BBS9: variants seen among roughly 807,000 people sequenced by gnomAD.
BBS9 encodes protein PTHB1.
BBS9 carries 89 observed loss-of-function variants against 117.7 expected under a neutral mutation model. The observed-to-expected ratio is 0.76, with a 90% CI of 0.64 to 0.90. The LOEUF (loss-of-function observed/expected upper bound fraction) is 0.90, where lower values mean the gene tolerates loss of function less well. Ranked by LOEUF, BBS9 falls within the 40% of genes least tolerant of loss-of-function variation. BBS9 has a pLI of 0.00. For synonymous variants in BBS9, 379 were observed against 370.9 expected (o/e 1.02, Z -0.25); for missense variants, 982 against 1,042.2 (o/e 0.94, Z 0.80).
intron 6 of BBS9, 83 bp from the exon 7 acceptor site, chr7:33,264,204 GATT>G: frequency 4.5e-6 from 3 of 667,264 alleles, no homozygotes; most frequent in Non-Finnish European, 6.7e-6. Context: ...AAAGTTTATA[GATT>G]ATTGTGTACT....
intron 19 of BBS9, among the ~76,000 whole-genome samples, chr7:33,421,814 A>G (rs1315727645): frequency 6.6e-6 from 1 of 152,230 alleles, no homozygotes; most frequent in East Asian, 1.9e-4. Context: ...AAGAAAGGAC[A>G]TGGTTGGTAC....
intron 21 of BBS9, among the ~76,000 whole-genome samples, chr7:33,539,369 T>C (rs1851923437): frequency 6.6e-6 from 1 of 152,210 alleles, no homozygotes; most frequent in Non-Finnish European, 1.5e-5. Context: ...TATGATTATA[T>C]AATGCACAGG....
chr7:33,129,491 C>T (rs963598642), upstream of BBS9: 1 of 189,098 alleles, frequency 5.3e-6, no homozygotes, highest in African/African-American at 2.3e-5. Context: ...GCCTCAGCCT[C>T]TCTGGACTCC....
At chr7:33,565,795 A>G (rs1195435609) in intron 21 of BBS9, among the ~76,000 whole-genome samples, 20 of 40,414 alleles carry the variant, frequency 4.9e-4, no homozygotes, top group African/African-American at 4.1e-3. Flanking sequence ...ATATATATAT[A>G]TATATATATA....
intron 5 of BBS9, among the ~76,000 whole-genome samples, chr7:33,179,987 A>T (rs1005061477): frequency 1.3e-5 from 2 of 152,142 alleles, no homozygotes; most frequent in African/African-American, 4.8e-5. Context: ...CACCAGTTTT[A>T]ATCAGTAGTT....
intron 19 of BBS9, among the ~76,000 whole-genome samples, chr7:33,438,967 T>G (rs1450659856): frequency 6.6e-6 from 1 of 152,174 alleles, no homozygotes; most frequent in Non-Finnish European, 1.5e-5. Flanking sequence ...CCCACAGGAT[T>G]TTTATCACTT....
intron 21 of BBS9, among the ~76,000 whole-genome samples, chr7:33,575,451 G>T (rs1370919043): frequency 6.6e-6 from 1 of 152,090 alleles, no homozygotes; most frequent in Non-Finnish European, 1.5e-5. Context: ...AGGACCAGAT[G>T]GATTCACGGC....
At chr7:33,374,501 A>G (rs570000109) in intron 17 of BBS9, among the ~76,000 whole-genome samples, 7 of 152,308 alleles carry the variant, frequency 4.6e-5, no homozygotes, top group Admixed American at 1.3e-4. Flanking sequence ...TCAAGTGACA[A>G]TGAGAATATT....
rs181841841 is a variant in BBS9 at position 33,450,952 on chromosome 7, G to A, written c.2116-54511G>A. On this transcript the variant is annotated intron_variant, in intron 19 of 22. Coordinates refer to ENST00000242067, the MANE Select transcript of BBS9 (RefSeq NM_198428.3). ...TGCCCAGGCTGGAGTGCAGTGGCGC[G>A]ATCTCGGCTCACTGCAAGCTCCGCC... Among the ~76,000 whole-genome samples the A allele has an allele frequency of 4.0e-3, 606 of 150,744 alleles. 19 individuals are homozygous for A. In the East Asian group the frequency reaches 0.057, roughly 14 times the overall value.
chr7:33,135,616 T>C (rs1790332006), intron 1 of BBS9, among the ~76,000 whole-genome samples: 2 of 152,244 alleles, frequency 1.3e-5, no homozygotes, highest in African/African-American at 4.8e-5. Context: ...GTGTGAGTTC[T>C]CTACCTTTGT....
At chr7:33,527,760 C>A (rs140409029) in intron 20 of BBS9, among the ~76,000 whole-genome samples, 2,246 of 152,326 alleles carry the variant, frequency 0.015, 26 homozygotes, top group Non-Finnish European at 0.024. Context: ...ATTTGGCCAT[C>A]TTGGCTCCTC....
chr7:33,311,725 G>C (rs1809273000), intron 9 of BBS9, among the ~76,000 whole-genome samples: 1 of 151,990 alleles, frequency 6.6e-6, no homozygotes, highest in South Asian at 2.1e-4. Context: ...GTTGAGACAG[G>C]ATAATCGCTT....
At chr7:33,132,440 G>A (rs887486124) in intron 1 of BBS9, among the ~76,000 whole-genome samples, 9 of 152,116 alleles carry the variant, frequency 5.9e-5, no homozygotes, top group Non-Finnish European at 2.9e-5. Context: ...CCTTTAAGGC[G>A]AAGTCATTAA....
intron 4 of BBS9, among the ~76,000 whole-genome samples, chr7:33,171,953 A>G (rs1303039227): frequency 6.6e-6 from 1 of 152,030 alleles, no homozygotes; most frequent in African/African-American, 2.4e-5. Context: ...GTCAGGATAG[A>G]AGACAGGGCT....
chr7:33,186,109 C>A (rs914221904), intron 5 of BBS9, among the ~76,000 whole-genome samples: 1 of 152,204 alleles, frequency 6.6e-6, no homozygotes, highest in Non-Finnish European at 1.5e-5. Flanking sequence ...CGCTTTCTAG[C>A]TGTGCTTCTC....
At chr7:33,186,136 T>C (rs902031713) in intron 5 of BBS9, among the ~76,000 whole-genome samples, 1 of 152,242 alleles carries the variant, frequency 6.6e-6, no homozygotes, top group African/African-American at 2.4e-5. Flanking sequence ...TTAACTTTTT[T>C]AAAACTTTTA....
intron 21 of BBS9, among the ~76,000 whole-genome samples, chr7:33,591,311 G>C (rs1248791408): frequency 6.6e-6 from 1 of 151,970 alleles, no homozygotes; most frequent in Non-Finnish European, 1.5e-5. Flanking sequence ...TATCACACAG[G>C]CTATAGAATC....
intron 4 of BBS9, among the ~76,000 whole-genome samples, chr7:33,175,533 G>A (rs796126536): frequency 2.0e-5 from 3 of 152,194 alleles, no homozygotes; most frequent in East Asian, 1.9e-4. Context: ...GGTTCAGAGC[G>A]CTCTGCTCTT....
At chr7:33,387,807 C>A (rs1052849121) in intron 18 of BBS9, among the ~76,000 whole-genome samples, 185 bp from the exon 19 acceptor site, 2 of 152,138 alleles carry the variant, frequency 1.3e-5, no homozygotes, top group Non-Finnish European at 2.9e-5. Context: ...TTGATCTGTT[C>A]CACTGTATTA....
Sources: gnomAD v4.1 joint callset for allele counts (sites outside exome capture counted in the v4.1 genomes callset) on GRCh38, gnomAD v4.1.1 for gene constraint, MANE v1.5 for transcripts, NCBI Gene and HGNC (gene_info 2026-07-23, HGNC 2026-07-21) for gene names.